SGIP1: variants seen among roughly 807,000 people sequenced by gnomAD.
SGIP1 encodes SH3GL interacting endocytic adaptor 1, also known as SH3-containing GRB2-like protein 3-interacting protein 1.
SGIP1 carries 38 observed loss-of-function variants against 107.5 expected under a neutral mutation model. That is an observed-to-expected ratio of 0.35 (90% CI 0.27 to 0.46). The LOEUF (loss-of-function observed/expected upper bound fraction) is 0.46, where lower values mean the gene tolerates loss of function less well. Ranked by LOEUF, SGIP1 falls within the 20% of genes least tolerant of loss-of-function variation. SGIP1 has a pLI of 1.00. For synonymous variants in SGIP1, 365 were observed against 366.1 expected, an observed-to-expected ratio of 1.00 and a Z score of 0.03; for missense variants, 929 against 1,019.5, an observed-to-expected ratio of 0.91 and a Z score of 1.21.
intron 19 of SGIP1, among the ~76,000 whole-genome samples, chr1:66,722,004 C>T (rs922577503): frequency 1.3e-5 from 2 of 152,096 alleles, no homozygotes; most frequent in African/African-American, 4.8e-5. Context: ...ATCTGCCCTT[C>T]GAGACTCCCC....
chr1:66,657,097 G>T (rs1557482499), intron 7 of SGIP1, among the ~76,000 whole-genome samples: 1 of 152,124 alleles, frequency 6.6e-6, no homozygotes, highest in Non-Finnish European at 1.5e-5. Flanking sequence ...GATCACTTGA[G>T]CCCAGGAGTT....
chr1:66,621,851 G>A (rs1426461996), intron 1 of SGIP1, among the ~76,000 whole-genome samples: 1 of 152,148 alleles, frequency 6.6e-6, no homozygotes, highest in Non-Finnish European at 1.5e-5. Context: ...TTTATCTGTT[G>A]ATGGAGAGCC....
At chr1:66,651,062 A>C (rs376653884) in intron 7 of SGIP1, among the ~76,000 whole-genome samples, 1 of 152,196 alleles carries the variant, frequency 6.6e-6, no homozygotes, top group Admixed American at 6.5e-5. Context: ...TGTAAGAATT[A>C]AGGAATGCAT....
At chr1:66,603,743 T>G (rs1392918181) in intron 1 of SGIP1, among the ~76,000 whole-genome samples, 1 of 152,176 alleles carries the variant, frequency 6.6e-6, no homozygotes, top group Non-Finnish European at 1.5e-5. Flanking sequence ...AATCTAAGTG[T>G]GGTTAAGATT....
Position 66,679,643 on chromosome 1 carries a change from T to C in SGIP1, c.740-35T>C, listed in dbSNP as rs746882754. 8.8e-6 allele frequency: 14 copies of C among 1,592,420 alleles called. No individual in the cohort carries two copies. In the South Asian group the frequency reaches 1.3e-4, roughly 14 times the overall value. ...TGTATTGTATGACTTAGGAAGCACATGACCAATGATACTTAATTTCTCATC... is the reference window on the plus strand; with the variant it reads ...TGTATTGTATGACTTAGGAAGCACACGACCAATGATACTTAATTTCTCATC... On this transcript the variant is annotated intron_variant, in intron 13 of 24. Coordinates refer to ENST00000371037, the MANE Select transcript of SGIP1 (RefSeq NM_032291.4).
intron 13 of SGIP1, among the ~76,000 whole-genome samples, chr1:66,678,484 T>G (rs2085883958): frequency 6.6e-6 from 1 of 152,254 alleles, no homozygotes; most frequent in African/African-American, 2.4e-5. Context: ...TTTGTTTTTA[T>G]GGTATTTTGT....
chr1:66,615,429 G>A (rs1043141423), intron 1 of SGIP1, among the ~76,000 whole-genome samples: 1 of 152,166 alleles, frequency 6.6e-6, no homozygotes, highest in Non-Finnish European at 1.5e-5. Flanking sequence ...CACTGCACAT[G>A]TCCACCAGCT....
At chr1:66,601,612 A>G (rs563874376) in intron 1 of SGIP1, among the ~76,000 whole-genome samples, 53 of 152,306 alleles carry the variant, frequency 3.5e-4, no homozygotes, top group African/African-American at 1.2e-3. Context: ...GATCTAGTCC[A>G]GTGTTTTCAA....
chr1:66,575,007 G>T (rs947946153), intron 1 of SGIP1, among the ~76,000 whole-genome samples: 1 of 152,120 alleles, frequency 6.6e-6, no homozygotes, highest in African/African-American at 2.4e-5. Flanking sequence ...TTGTCAAAAT[G>T]TGGGCAAGCA....
At chr1:66,727,428 TA>T (rs2093806342) in intron 19 of SGIP1, among the ~76,000 whole-genome samples, 1 of 152,200 alleles carries the variant, frequency 6.6e-6, no homozygotes, top group Non-Finnish European at 1.5e-5. Flanking sequence ...GTGGAAGAAC[TA>T]AAACCCTCAT....
Position 66,710,423 on chromosome 1 carries a change from T to C in SGIP1, c.1631-8871T>C, listed in dbSNP as rs539783864. 7.9e-5 allele frequency among the ~76,000 whole-genome samples: 12 copies of C among 152,268 alleles called. No homozygotes were observed. The East Asian group carries it at 2.1e-3, about 27-fold the overall frequency. On this transcript the variant is annotated intron_variant, in intron 18 of 24. Coordinates refer to ENST00000371037, the MANE Select transcript of SGIP1 (RefSeq NM_032291.4). ...CAAGTTATCGAGTTTTTACTGTGTG[T>C]CAGGTACTGTAATTTACATAAACTA...
intron 1 of SGIP1, among the ~76,000 whole-genome samples, chr1:66,622,586 T>C (rs1220979400): frequency 1.3e-5 from 2 of 152,200 alleles, no homozygotes; most frequent in Non-Finnish European, 2.9e-5. Flanking sequence ...TGTGTGTGGT[T>C]GTTTCCCACA....
At chr1:66,596,932 A>G (rs770855942) in intron 1 of SGIP1, among the ~76,000 whole-genome samples, 4 of 152,182 alleles carry the variant, frequency 2.6e-5, no homozygotes, top group Non-Finnish European at 4.4e-5. Context: ...AATATTTTCA[A>G]ACTCAAGGTA....
At chr1:66,534,121 C>T (rs2053009783), upstream of SGIP1, 1 of 590,818 alleles carries the variant, frequency 1.7e-6, no homozygotes, top group Non-Finnish European at 3.0e-6. Context: ...TGCAGCTCGG[C>T]CAGCTTGCCG....
chr1:66,588,398 T>TCA (rs1557986297), intron 1 of SGIP1, among the ~76,000 whole-genome samples: 99 of 151,474 alleles, frequency 6.5e-4, no homozygotes, highest in Admixed American at 1.3e-3. Flanking sequence ...TATTAGAACT[T>TCA]CCCCTACTTC....
chr1:66,588,433 G>A (rs2062995477), intron 1 of SGIP1, among the ~76,000 whole-genome samples: 1 of 152,104 alleles, frequency 6.6e-6, no homozygotes, highest in Non-Finnish European at 1.5e-5. Flanking sequence ...GAAAAGTAGA[G>A]CAAAGTGTTT....
At chr1:66,651,506 A>G (rs2078735966) in intron 7 of SGIP1, among the ~76,000 whole-genome samples, 1 of 152,138 alleles carries the variant, frequency 6.6e-6, no homozygotes, top group African/African-American at 2.4e-5. Flanking sequence ...AAAAAAGTTC[A>G]CTAGCTCATT....
chr1:66,716,489 C>G (rs1417870052), intron 18 of SGIP1, among the ~76,000 whole-genome samples: 1 of 151,840 alleles, frequency 6.6e-6, no homozygotes, highest in Non-Finnish European at 1.5e-5. Context: ...ACATTATTGT[C>G]TCCTTCATTA....
At chr1:66,540,755 A>T (rs146705630) in intron 1 of SGIP1, among the ~76,000 whole-genome samples, 1 of 152,210 alleles carries the variant, frequency 6.6e-6, no homozygotes, top group African/African-American at 2.4e-5. Context: ...TTGAAAGAAC[A>T]TGAACCCAGA....
Sources: allele counts gnomAD v4.1 joint callset (sites outside exome capture counted in the v4.1 genomes callset), GRCh38; gene constraint gnomAD v4.1.1; transcripts MANE v1.5; gene names NCBI Gene and HGNC (gene_info 2026-07-23, HGNC 2026-07-21).